ALDH1A1: variants seen among roughly 807,000 people sequenced by gnomAD.
ALDH1A1 encodes aldehyde dehydrogenase 1 family member A1, also known as aldehyde dehydrogenase 1A1.
A neutral mutation model predicts 62.1 loss-of-function variants in ALDH1A1; 19 were observed. The ratio of observed to expected loss-of-function variants is 0.31; its 90% CI spans 0.21 to 0.45. ALDH1A1 has a LOEUF of 0.45. Ranked by LOEUF, ALDH1A1 falls within the 20% of genes least tolerant of loss-of-function variation. The pLI is 1.00. For synonymous variants in ALDH1A1, 231 were observed against 215.9 expected (o/e 1.07, Z -0.61); for missense variants, 521 against 607.1 (o/e 0.86, Z 1.49).
intron 11 of ALDH1A1, among the ~76,000 whole-genome samples, chr9:72,908,116 C>T (rs1829899384): frequency 6.6e-6 from 1 of 151,786 alleles, no homozygotes; most frequent in Admixed American, 6.6e-5. Flanking sequence ...AGAACCACAG[C>T]CTTAGAATAT....
chr9:72,901,144 T>C lies in ALDH1A1; in HGVS notation c.*64A>G. The stretch of plus-strand genomic sequence containing the variant: ...GAAAAATTTTGTCTTTAAAATCTAC[T>C]ATATTAGTGACTGTAAGGAGATGCT... On this transcript the variant is annotated 3_prime_UTR_variant, in exon 13 of 13. Transcript: ENST00000297785. The C allele has an allele frequency of 1.6e-6, 2 of 1,260,436 alleles. No individual in the cohort carries two copies. The highest frequency in any genetic ancestry group is 2.3e-6 in the Non-Finnish European group (2 of 885,028). The allele number at this position is 1,260,436 out of a possible 1,614,324, so 78.1% of individuals were successfully genotyped here.
chr9:72,945,265 C>A (rs915266773), intron 1 of ALDH1A1, among the ~76,000 whole-genome samples: 1 of 151,854 alleles, frequency 6.6e-6, no homozygotes, highest in Non-Finnish European at 1.5e-5. Context: ...AGTCTGTGGG[C>A]TAAAGTGGGG....
intron 8 of ALDH1A1, among the ~76,000 whole-genome samples, chr9:72,917,885 T>C (rs1472288523): frequency 6.6e-6 from 1 of 152,226 alleles, no homozygotes; most frequent in African/African-American, 2.4e-5. Context: ...TGTGAACTAA[T>C]TACATCTGCT....
At chr9:72,950,039 G>A (rs552516159) in intron 1 of ALDH1A1, among the ~76,000 whole-genome samples, 2 of 151,690 alleles carry the variant, frequency 1.3e-5, no homozygotes, top group Non-Finnish European at 2.9e-5. Context: ...AGGAGAAGAC[G>A]TGAGGCATAC....
intron 6 of ALDH1A1, among the ~76,000 whole-genome samples, chr9:72,925,035 G>T (rs1830187088): frequency 1.3e-5 from 2 of 152,130 alleles, no homozygotes; most frequent in Admixed American, 1.3e-4. Context: ...AAAAGTGTTT[G>T]GAAATAATGT....
intron 1 of ALDH1A1, among the ~76,000 whole-genome samples, chr9:72,948,664 C>T (rs945223326): frequency 2.0e-5 from 3 of 151,862 alleles, no homozygotes; most frequent in Non-Finnish European, 4.4e-5. Context: ...AGTTATTTTG[C>T]TTTAAACATT....
chr9:72,920,315 G>A (rs1049184385), intron 7 of ALDH1A1, among the ~76,000 whole-genome samples: 1 of 152,064 alleles, frequency 6.6e-6, no homozygotes, highest in Non-Finnish European at 1.5e-5. Context: ...ATTTGCACTA[G>A]GGAAATCCTG....
At chr9:72,940,279 C>T (rs778838046) in intron 1 of ALDH1A1, 27 bp from the exon 2 acceptor site, 4 of 1,559,938 alleles carry the variant, frequency 2.6e-6, no homozygotes, top group Non-Finnish European at 3.5e-6. Context: ...AAAATACATA[C>T]AAGGCGCTTA....
At position 72,931,048 on chromosome 9, in the gene ALDH1A1, A is replaced by G. The variant is rs375488483; in HGVS notation, c.172-29T>C. Reference sequence around the variant, plus strand: ...TAAGTCAACAGGAATTCAATTCAGTAAGCTAAACATATTAGGCAAGCAAAT... The same window carrying G: ...TAAGTCAACAGGAATTCAATTCAGTGAGCTAAACATATTAGGCAAGCAAAT... On this transcript the variant is annotated intron_variant, in intron 2 of 12. Coordinates refer to ENST00000297785, the MANE Select transcript of ALDH1A1 (RefSeq NM_000689.5). 10 of 1,613,640 alleles carry G rather than the reference A, an allele frequency of 6.2e-6. No homozygotes were observed. The African/African-American group carries it at 1.2e-4, about 19-fold the overall frequency.
At chr9:72,936,450 G>A (rs1490489267) in intron 2 of ALDH1A1, among the ~76,000 whole-genome samples, 2 of 152,104 alleles carry the variant, frequency 1.3e-5, no homozygotes, top group Admixed American at 6.6e-5. Context: ...CCTTCCTCTT[G>A]AATGGAGAGA....
At position 72,953,053 on chromosome 9, in the gene ALDH1A1, T is replaced by C. The variant is rs1205019326; in HGVS notation, c.-53A>G. ...GACTGGCTCAGCAATTTGGTTCTGA[T>C]AGAGCACTTGGCTTTATTTGTTCCT... On this transcript the variant is annotated 5_prime_UTR_variant, in exon 1 of 13. Transcript: ENST00000297785. The C allele has an allele frequency of 6.2e-7, 1 of 1,612,624 alleles. No individual in the cohort carries two copies. Among genetic ancestry groups the C allele is most frequent in the Admixed American group, 1.7e-5 (1 of 59,834 alleles).
intron 5 of ALDH1A1, among the ~76,000 whole-genome samples, chr9:72,925,961 C>G (rs1254485782): frequency 2.6e-5 from 4 of 152,166 alleles, no homozygotes; most frequent in Non-Finnish European, 5.9e-5. Flanking sequence ...TACTCTCCTT[C>G]TCCATAAGTC....
intron 2 of ALDH1A1, among the ~76,000 whole-genome samples, chr9:72,931,451 C>T (rs539297066): frequency 1.3e-5 from 2 of 152,252 alleles, no homozygotes; most frequent in East Asian, 3.9e-4. Flanking sequence ...CTAAAAGTGG[C>T]TGAACTGAGT....
intron 7 of ALDH1A1, 157 bp downstream of exon 7, chr9:72,923,862 T>C (rs1830171559): frequency 2.0e-6 from 1 of 501,822 alleles, no homozygotes; most frequent in Non-Finnish European, 3.5e-6. Context: ...TACATCTGCT[T>C]ATATTCTATC....
chr9:72,928,825 T>C (rs1830243764), intron 4 of ALDH1A1, 67 bp downstream of exon 4: 1 of 1,421,998 alleles, frequency 7.0e-7, no homozygotes, highest in Non-Finnish European at 9.3e-7. Flanking sequence ...GAGTTTGAAA[T>C]TATTCAGCTC....
intron 9 of ALDH1A1, among the ~76,000 whole-genome samples, chr9:72,914,592 C>T (rs1444054499): frequency 6.6e-5 from 10 of 152,180 alleles, no homozygotes; most frequent in African/African-American, 1.7e-4. Context: ...ATGTGGCTAT[C>T]ACAATTTCTG....
intron 10 of ALDH1A1, among the ~76,000 whole-genome samples, chr9:72,911,361 T>C (rs1405563387): frequency 6.6e-6 from 1 of 152,202 alleles, no homozygotes; most frequent in Non-Finnish European, 1.5e-5. Flanking sequence ...ATCTCTTTTG[T>C]GGTGAGAACA....
At chr9:72,933,597 A>C (rs11143420) in intron 2 of ALDH1A1, among the ~76,000 whole-genome samples, 1 of 96,778 alleles carries the variant, frequency 1.0e-5, no homozygotes, top group Non-Finnish European at 2.0e-5. Context: ...CAAAACAAAA[A>C]AAAAAAAAAA....
In ALDH1A1 at chr9:72,905,917, C is replaced by T. The variant is rs944301739; in HGVS notation, c.1433+41G>A. 336 of 1,478,300 alleles carry T rather than the reference C, an allele frequency of 2.3e-4. 1 individual carries two copies. The highest frequency in any genetic ancestry group is 2.0e-4 in the Non-Finnish European group (220 of 1,084,380). The allele number at this position is 1,478,300 out of a possible 1,614,324, so 91.6% of individuals were successfully genotyped here. A position where few individuals can be genotyped will look rare whatever the true frequency, so the allele number is the denominator to read the frequency against. ...ATTCCCTGGGAATGAAAATCATTTT[C>T]ATAAAAATAAATATTTATCTTAATA... is the stretch of plus-strand genomic sequence containing the variant. On this transcript the variant is annotated intron_variant, in intron 12 of 12. Coordinates refer to ENST00000297785, the MANE Select transcript of ALDH1A1 (RefSeq NM_000689.5).
Sources: allele counts gnomAD v4.1 joint callset (sites outside exome capture counted in the v4.1 genomes callset), GRCh38; gene constraint gnomAD v4.1.1; transcripts MANE v1.5; gene names NCBI Gene and HGNC (gene_info 2026-07-23, HGNC 2026-07-21).